The following PKD1 variants were observed in gnomAD, a reference collection of about 807,000 sequenced individuals.
The protein encoded by PKD1 is polycystin-1.
PKD1 carries 81 observed loss-of-function variants against 361.7 expected under a neutral mutation model. The ratio of observed to expected loss-of-function variants is 0.22; its 90% CI spans 0.19 to 0.27. The LOEUF is 0.27. Ranked by LOEUF, PKD1 falls within the 10% of genes least tolerant of loss-of-function variation. The pLI, the probability that PKD1 is intolerant of heterozygous loss-of-function variation, is 1.00. For synonymous variants in PKD1, 3,615 were observed against 2,818.3 expected, an observed-to-expected ratio of 1.28 and a Z score of -8.95; for missense variants, 6,399 against 6,118.3, an observed-to-expected ratio of 1.05 and a Z score of -1.53.
chr16:2,105,811 T>G (rs1294497662), intron 20 of PKD1, 54 bp downstream of exon 20: 2 of 1,554,456 alleles, frequency 1.3e-6, no homozygotes, highest in Admixed American at 1.7e-5. Context: ...GTACAGGTCT[T>G]GGTCCCAAGC....
rs1229105910 is a variant in PKD1, at chr16:2,102,362, G to T, written c.9201+19C>A. The T allele has an allele frequency of 1.3e-6, 2 of 1,552,226 alleles. No homozygotes were observed. The highest frequency in any genetic ancestry group is 4.8e-5 in the East Asian group (2 of 41,366). ...CTCCTCGACTCTGCAGAGGCTCCCA[G>T]GAGCACAGGGTCACTCACAGGAAAC... On this transcript the variant is annotated intron_variant, in intron 25 of 45. Coordinates refer to ENST00000262304, the MANE Select transcript of PKD1 (RefSeq NM_001009944.3).
Position 2,103,356 on chromosome 16 carries a change from G to A in PKD1, c.8701C>T (p.Pro2901Ser), listed in dbSNP as rs535405976. The A allele has an allele frequency of 1.9e-6, 3 of 1,604,558 alleles. No individual in the cohort carries two copies. Among genetic ancestry groups the A allele is most frequent in the East Asian group, 2.2e-5 (1 of 44,866 alleles). Residue 2901 changes from proline to serine, a missense_variant, in exon 23 of 46, where the codon CCC (proline) becomes TCC (serine). Transcript: ENST00000262304. ...ACCACAGCACCGACGGAGGCCTGGG[G>A]CTGGACCACAACGGAGTTGGCGGAG... Reference protein sequence around the residue: ...ANSANSVVVQPQASVGAVVTL... With the variant: ...ANSANSVVVQSQASVGAVVTL...
intron 13 of PKD1, 55 bp from the exon 14 acceptor site, chr16:2,112,528 G>C: frequency 6.6e-7 from 1 of 1,508,906 alleles, no homozygotes. Context: ...GGCGGTGGCG[G>C]GGCAGGGGGT....
intron 1 of PKD1, among the ~76,000 whole-genome samples, chr16:2,127,030 T>G (rs3952939): frequency 6.6e-6 from 1 of 151,716 alleles, no homozygotes; most frequent in Non-Finnish European, 1.5e-5. Flanking sequence ...GAGGCCCTCA[T>G]AGAGATGCCC....
rs142285430 is a variant in PKD1, at chr16:2,088,881, G to GCGCACACACACACA, written c.*845_*846insTGTGTGTGTGTGCG. The GCGCACACACACACA allele has an allele frequency of 2.6e-5, 11 of 421,378 alleles. No homozygotes were observed. The highest frequency in any genetic ancestry group is 1.3e-4 in the African/African-American group (6 of 44,578). The allele number at this position is 421,378 out of a possible 1,614,324, so 26.1% of individuals were successfully genotyped here. A position where few individuals can be genotyped will look rare whatever the true frequency, so the allele number is the denominator to read the frequency against. On this transcript the variant is annotated 3_prime_UTR_variant, in exon 46 of 46. Transcript: ENST00000262304. ...ACAGCACACTCGCGCGTGCGCGCGCGCACACACACACACACACAGTCACCT... is the reference window on the plus strand; with the variant it reads ...ACAGCACACTCGCGCGTGCGCGCGCGCGCACACACACACACACACACACACACACACAGTCACCT...
chr16:2,105,299 G>C (rs750135054), intron 21 of PKD1, 23 bp downstream of exon 21: 1 of 1,593,394 alleles, frequency 6.3e-7, no homozygotes, highest in South Asian at 1.1e-5. Context: ...GCGGGGCAGG[G>C]TGAGCAGGTG....
In PKD1 at chr16:2,099,734, G is replaced by A. The variant is rs555492308; in HGVS notation, c.9960C>T (p.Val3320=). The A allele has an allele frequency of 1.0e-5, 16 of 1,563,650 alleles. No homozygotes were observed. The highest frequency in any genetic ancestry group is 9.4e-5 in the East Asian group (4 of 42,588). ...ACACCAGGCCAACAGCGACTGTGTC[G>A]ACGCTCAGCGGGCTCAGCCTGGACA... ...GHVSRLSPLS[V]DTVAVGLVSS... The change falls in exon 30 of 46, where the codon GTC becomes GTT. Residue 3320 remains valine, a synonymous_variant. Transcript: ENST00000262304.
chr16:2,129,166 T>TG (rs2092836464), intron 1 of PKD1, among the ~76,000 whole-genome samples: 2 of 149,850 alleles, frequency 1.3e-5, no homozygotes, highest in African/African-American at 4.9e-5. Context: ...CACCCTGTTT[T>TG]TTTTTTTTTT....
chr16:2,097,692 C>G (rs750317327), intron 32 of PKD1, 36 bp downstream of exon 32: 8 of 1,610,798 alleles, frequency 5.0e-6, no homozygotes, highest in Admixed American at 3.3e-5. Flanking sequence ...ACACAGTGAC[C>G]TGCACCAGGG....
chr16:2,103,551 A>T lies in PKD1; in HGVS notation c.8506T>A (p.Phe2836Ile). 6.2e-7 allele frequency: 1 copy of T among 1,609,580 alleles called. No homozygotes were observed. The highest frequency in any genetic ancestry group is 2.2e-5 in the East Asian group (1 of 44,856). Residue 2836 changes from phenylalanine (F) to isoleucine (I), a missense_variant, in exon 23 of 46, where the codon TTT (phenylalanine) becomes ATT (isoleucine). Physicochemically the swap from Phe to Ile is conservative, Grantham distance 21. Transcript: ENST00000262304. ...ACGGTGTAGTTGCTGATATAGCCAA[A>T]GGGAAAGGGATTGGAGTCCACCAGA... ...IFLVDSNPFP[F>I]GYISNYTVST...
intron 34 of PKD1, among the ~76,000 whole-genome samples, chr16:2,096,358 T>C (rs2091845991): frequency 1.3e-5 from 2 of 152,206 alleles, no homozygotes. Flanking sequence ...CACCTGAGCA[T>C]AGGAGGGCAT....
chr16:2,093,688 C>A lies in PKD1; in HGVS notation c.10872G>T (p.Pro3624=). 6.2e-7 allele frequency: 1 copy of A among 1,602,242 alleles called. No individual in the cohort carries two copies. Among genetic ancestry groups the A allele is most frequent in the East Asian group, 2.2e-5 (1 of 44,504 alleles). Residue 3624 remains proline, a synonymous_variant, in exon 37 of 46, where the codon CCG becomes CCT. Transcript: ENST00000262304. Reference sequence around the variant, plus strand: ...TCTCTACCAGGGTGTCATCTTCATCCGGGTGCAGCCGCTTGGCCACCAGTG... The same window carrying A: ...TCTCTACCAGGGTGTCATCTTCATCAGGGTGCAGCCGCTTGGCCACCAGTG... ...YFSLVAKRLH[P]DEDDTLVESP...
Position 2,105,438 on chromosome 16 carries a change from G to A in PKD1, c.7900C>T (p.His2634Tyr), listed in dbSNP as rs1293536553. The A allele has an allele frequency of 4.4e-6, 7 of 1,589,416 alleles. No individual in the cohort carries two copies. The highest frequency in any genetic ancestry group is 2.3e-4 in the Middle Eastern group (1 of 4,400). ...ATCTGGGCTCGGTGCTGCCGCTCGT[G>A]CTTGGGCTCTGCCGCCACGTCCAGG... ...RALDVAAEPK[H>Y]ERQHRAQIRK... is the part of the protein sequence containing the mutation. Residue 2634 changes from histidine to tyrosine, a missense_variant, in exon 21 of 46, where the codon CAC (histidine) becomes TAC (tyrosine). His to Tyr is a moderately conservative substitution (Grantham distance 83). Transcript: ENST00000262304.
At position 2,111,877 on chromosome 16, in the gene PKD1, G is replaced by T; in HGVS notation, c.3296-6C>A. 1.2e-6 allele frequency: 2 copies of T among 1,610,116 alleles called. No homozygotes were observed. The highest frequency in any genetic ancestry group is 2.2e-5 in the East Asian group (1 of 44,874). On this transcript the variant is annotated splice_polypyrimidine_tract_variant and splice_region_variant and intron_variant, in intron 14 of 45. Transcript: ENST00000262304. Reference sequence around the variant, plus strand: ...CACGGTCAGGAGGTACTCACCTGTGGGGACAGGCCCGAGTGGGGCAGCCGC... The same window carrying T: ...CACGGTCAGGAGGTACTCACCTGTGTGGACAGGCCCGAGTGGGGCAGCCGC...
At chr16:2,122,965 C>A (rs1281894957) in intron 1 of PKD1, among the ~76,000 whole-genome samples, 2 of 152,210 alleles carry the variant, frequency 1.3e-5, no homozygotes, top group African/African-American at 4.8e-5. Flanking sequence ...TTTGGCCACA[C>A]CTCATTTTCT....
Position 2,108,321 on chromosome 16 carries a change from G to A in PKD1, c.6846C>T (p.Tyr2282=), listed in dbSNP as rs546354639. The A allele has an allele frequency of 6.4e-5, 102 of 1,604,544 alleles. No homozygotes were observed. Among genetic ancestry groups the A allele is most frequent in the African/African-American group, 8.0e-5 (6 of 74,894 alleles). The change falls in exon 15 of 46, where the codon TAC becomes TAT. Residue 2282 remains tyrosine, a synonymous_variant. Coordinates refer to ENST00000262304, the MANE Select transcript of PKD1 (RefSeq NM_001009944.3). ...RDLVLDGSES[Y]DPNLEDGDQT... ...GGTCGCCGTCCTCCAGGTTGGGGTC[G>A]TAGGACTCGCTCCCATCCAGCACCA...
intron 6 of PKD1, 40 bp downstream of exon 6, chr16:2,117,449 T>C: frequency 7.4e-7 from 1 of 1,350,270 alleles, no homozygotes; most frequent in South Asian, 1.3e-5. Flanking sequence ...GCTTCAGAGA[T>C]CTCCCAACCT....
At chr16:2,105,828 G>A (rs367714988) in intron 20 of PKD1, 37 bp downstream of exon 20, 15 of 1,583,160 alleles carry the variant, frequency 9.5e-6, no homozygotes, top group South Asian at 4.4e-5. Context: ...AAGCACGCAT[G>A]CAGCAGATGT....
intron 1 of PKD1, among the ~76,000 whole-genome samples, chr16:2,127,685 G>A (rs1261476977): frequency 6.6e-6 from 1 of 151,466 alleles, no homozygotes; most frequent in East Asian, 2.0e-4. Flanking sequence ...CCAGGTCACT[G>A]CTACACTGCC....
Sources: gnomAD v4.1 joint callset for allele counts (sites outside exome capture counted in the v4.1 genomes callset) on GRCh38, gnomAD v4.1.1 for gene constraint, MANE v1.5 for transcripts, NCBI Gene and HGNC (gene_info 2026-07-23, HGNC 2026-07-21) for gene names.